KLF13: variants seen among roughly 807,000 people sequenced by gnomAD.
KLF13 encodes KLF transcription factor 13.
A neutral mutation model predicts 16.7 loss-of-function variants in KLF13; 8 were observed. That is an observed-to-expected ratio of 0.48 (90% confidence interval 0.28 to 0.87). The LOEUF is 0.87. Ranked by LOEUF, KLF13 falls within the 40% of genes least tolerant of loss-of-function variation. The probability of loss-of-function intolerance (pLI) is 0.10; values close to 1 mark genes in which losing one functional copy is unlikely to be tolerated. For synonymous variants in KLF13, 245 were observed against 208.4 expected, an observed-to-expected ratio of 1.18 and a Z score of -1.51; for missense variants, 447 against 452.2, an observed-to-expected ratio of 0.99 and a Z score of 0.10.
chr15:31,428,820 A>AAAAAAAAAAAAAG (rs61521558), intron 1 of KLF13, among the ~76,000 whole-genome samples: 219 of 72,642 alleles, frequency 3.0e-3, no homozygotes, highest in African/African-American at 0.01. Context: ...AAAAAAAAAA[A>AAAAAAAAAAAAAG]AAAAAGAAAA....
At chr15:31,403,973 C>G (rs1189028665) in exon 3 of KLF13, 1 of 152,242 alleles carries the variant, frequency 6.6e-6, no homozygotes, top group African/African-American at 2.4e-5. Flanking sequence ...CCCTCCTACA[C>G]ACTGGCATGT....
At position 31,374,951 on chromosome 15, in the gene KLF13, A is replaced by T. The variant is rs1347352948; in HGVS notation, c.*2652A>T. 1 of 152,522 alleles carries T rather than the reference A, an allele frequency of 6.6e-6. No homozygotes were observed. The highest frequency in any genetic ancestry group is 1.9e-4 in the East Asian group (1 of 5,198). The allele number at this position is 152,522 out of a possible 1,614,324, so 9.4% of individuals were successfully genotyped here. On this transcript the variant is annotated 3_prime_UTR_variant, in exon 2 of 2. Transcript: ENST00000307145. ...GACCCAGGGCTGTTCCGTCTGATAG[A>T]TGGAAGGGTAACATTGCCTTAAAAC...
chr15:31,429,860 A>G (rs979559462), intron 1 of KLF13, among the ~76,000 whole-genome samples: 74 of 151,614 alleles, frequency 4.9e-4, no homozygotes, highest in African/African-American at 1.7e-3. Flanking sequence ...CAGCCTCCCG[A>G]GTAGCTGGGA....
chr15:31,423,163 A>ACGTATATATACGTATATGTATATG (rs373134448), intron 1 of KLF13, among the ~76,000 whole-genome samples: 3 of 118,084 alleles, frequency 2.5e-5, no homozygotes, highest in African/African-American at 9.2e-5. Context: ...ACGTATATAT[A>ACGTATATATACGTATATGTATATG]TGTATATATA....
chr15:31,347,054 G>A (rs1481902224), intron 1 of KLF13, among the ~76,000 whole-genome samples: 4 of 152,342 alleles, frequency 2.6e-5, no homozygotes, highest in African/African-American at 9.6e-5. Context: ...GTCTGTGACA[G>A]GGCACGACAC....
At chr15:31,328,662 C>T (rs1390833380) in intron 1 of KLF13, among the ~76,000 whole-genome samples, 1 of 152,000 alleles carries the variant, frequency 6.6e-6, no homozygotes, top group Non-Finnish European at 1.5e-5. Context: ...GGATCACCGC[C>T]CGCCCCCGCC....
chr15:31,356,201 C>G (rs1027749390), intron 1 of KLF13, among the ~76,000 whole-genome samples: 4 of 152,140 alleles, frequency 2.6e-5, no homozygotes, highest in Admixed American at 6.5e-5. Context: ...CAAGTAGGAC[C>G]TGGTGTCTGC....
chr15:31,355,382 A>G (rs1334849676), intron 1 of KLF13, among the ~76,000 whole-genome samples: 1 of 152,244 alleles, frequency 6.6e-6, no homozygotes, highest in Non-Finnish European at 1.5e-5. Context: ...TGCCGAGAGC[A>G]GTATACCCAT....
chr15:31,361,579 A>G (rs2039388868), intron 1 of KLF13, among the ~76,000 whole-genome samples: 1 of 151,624 alleles, frequency 6.6e-6, no homozygotes, highest in Admixed American at 6.6e-5. Flanking sequence ...GGGCAGGGGG[A>G]GGAAATGAAG....
At chr15:31,336,013 G>A (rs190842229) in intron 1 of KLF13, among the ~76,000 whole-genome samples, 59 of 152,390 alleles carry the variant, frequency 3.9e-4, no homozygotes, top group Admixed American at 1.2e-3. Context: ...GTGAGCACAG[G>A]CCAGGTGGGA....
intron 1 of KLF13, among the ~76,000 whole-genome samples, chr15:31,359,776 C>T (rs2039353758): frequency 6.6e-6 from 1 of 152,200 alleles, no homozygotes; most frequent in African/African-American, 2.4e-5. Context: ...CAGCAGCTCA[C>T]ATTGGTGGTT....
chr15:31,393,517 ACC>A (rs2039906098), intron 1 of KLF13: 1 of 136,864 alleles, frequency 7.3e-6, no homozygotes, highest in Admixed American at 7.6e-5. Flanking sequence ...CCATCCCAGC[ACC>A]CTTGTCCCTC....
downstream of KLF13, among the ~76,000 whole-genome samples, chr15:31,409,298 AAAAC>A (rs936801333): frequency 3.3e-5 from 5 of 152,110 alleles, no homozygotes; most frequent in African/African-American, 1.2e-4. Context: ...AAAACCCCAA[AAAAC>A]AAACAAACAA....
rs1239942621 is a variant in KLF13, at chr15:31,423,185, G to GTA, written n.118-12173_118-12172dup. ...TATATGTATATATATACATATATAC[G>GTA]TATATATATATATCAGTAGCTCACT... On this transcript the variant is annotated intron_variant and non_coding_transcript_variant, in intron 1 of 1. Transcript: ENST00000558225. 1.5e-4 allele frequency among the ~76,000 whole-genome samples: 16 copies of GTA among 107,092 alleles called. 2 individuals are homozygous for GTA. The highest frequency in any genetic ancestry group is 3.5e-4 in the African/African-American group (9 of 25,372). The allele number at this position is 107,092 out of a possible 152,430, so 70.3% of individuals were successfully genotyped here. A position where few individuals can be genotyped will look rare whatever the true frequency, so the allele number is the denominator to read the frequency against.
downstream of KLF13, among the ~76,000 whole-genome samples, chr15:31,409,406 G>A (rs539760159): frequency 6.6e-6 from 1 of 152,100 alleles, no homozygotes; most frequent in South Asian, 2.1e-4. Context: ...AAGAGAATAA[G>A]GGGAAGAAAT....
intron 1 of KLF13, among the ~76,000 whole-genome samples, chr15:31,411,734 A>G (rs887756622): frequency 3.3e-5 from 5 of 152,256 alleles, no homozygotes; most frequent in African/African-American, 4.8e-5. Context: ...AAAGAAAACC[A>G]TATGATTATA....
chr15:31,411,174 G>T (rs962215676), intron 1 of KLF13, among the ~76,000 whole-genome samples: 2 of 152,054 alleles, frequency 1.3e-5, no homozygotes, highest in African/African-American at 4.8e-5. Context: ...ATGAGATGAA[G>T]AAAACTACAA....
chr15:31,368,414 A>AT (rs1230261536), intron 1 of KLF13, among the ~76,000 whole-genome samples: 1 of 152,118 alleles, frequency 6.6e-6, no homozygotes, highest in Admixed American at 6.6e-5. Context: ...AGTTGACAAA[A>AT]TTTTTTTTCT....
chr15:31,351,644 C>T (rs536587590), intron 1 of KLF13, among the ~76,000 whole-genome samples: 2 of 152,300 alleles, frequency 1.3e-5, no homozygotes, highest in East Asian at 1.9e-4. Flanking sequence ...GTGTGCTACC[C>T]GCAAGCAAGG....
Sources: gnomAD v4.1 joint callset for allele counts (sites outside exome capture counted in the v4.1 genomes callset) on GRCh38, gnomAD v4.1.1 for gene constraint, MANE v1.5 for transcripts, NCBI Gene and HGNC (gene_info 2026-07-23, HGNC 2026-07-21) for gene names.